EOGT: variants seen among roughly 807,000 people sequenced by gnomAD.
The protein encoded by EOGT is EGF domain-specific O-linked N-acetylglucosamine transferase.
A neutral mutation model predicts 70.5 loss-of-function variants in EOGT; 55 were observed. That is an observed-to-expected ratio of 0.78 (90% CI 0.63 to 0.98). The LOEUF (loss-of-function observed/expected upper bound fraction) is 0.98. EOGT is among the 50% of genes least tolerant of loss of function. The pLI, the probability that EOGT is intolerant of heterozygous loss-of-function variation, is 0.00. For missense variants in EOGT, 703 were observed against 641.9 expected, an observed-to-expected ratio of 1.10 and a Z score of -1.03; for synonymous variants, 246 against 217.1, an observed-to-expected ratio of 1.13 and a Z score of -1.17.
At chr3:68,980,263 T>G (rs1008175140) in intron 15 of EOGT, among the ~76,000 whole-genome samples, 2 of 152,218 alleles carry the variant, frequency 1.3e-5, no homozygotes, top group Non-Finnish European at 2.9e-5. Context: ...CTTAGGACAA[T>G]AGAAGCACTT....
intron 10 of EOGT, among the ~76,000 whole-genome samples, chr3:68,994,763 C>G (rs562876135): frequency 6.6e-6 from 1 of 152,282 alleles, no homozygotes; most frequent in African/African-American, 2.4e-5. Context: ...TGCACTTGAG[C>G]CTGGGTGACA....
In EOGT at chr3:68,998,106, T is replaced by C. The variant is rs368809317; in HGVS notation, c.736A>G (p.Met246Val). ...ATGAAATCACAGAAGTGGTGATACA[T>C]GTTAACACCTAGTGTTGGAAAATGA... Reference protein sequence around the residue: ...YFMKLDAGVNMYHHFCDFINL... With the variant: ...YFMKLDAGVNVYHHFCDFINL... The change falls in exon 10 of 18, where the codon ATG becomes GTG. Residue 246 changes from methionine to valine, a missense_variant. Transcript: ENST00000383701. The C allele has an allele frequency of 2.6e-6, 4 of 1,549,754 alleles. No individual in the cohort carries two copies. Among genetic ancestry groups the C allele is most frequent in the Admixed American group, 3.6e-5 (2 of 56,064 alleles).
chr3:69,005,176 T>A lies in EOGT; in HGVS notation c.479A>T (p.Tyr160Phe), dbSNP rs751161969. 5.6e-6 allele frequency: 9 copies of A among 1,604,132 alleles called. No homozygotes were observed. In the East Asian group the frequency reaches 2.0e-4, roughly 36 times the overall value. The change falls in exon 7 of 18, where the codon TAT (tyrosine) becomes TTT (phenylalanine). Residue 160 changes from tyrosine to phenylalanine, a missense_variant. By Grantham distance (22) the Tyr-to-Phe change is conservative. Transcript: ENST00000383701. ...TCTCTTGATGTTTCTTAAATCAAGA[T>A]AGAGATTGGTTGCTCTGCAGTACTG... ...YLQYCRATNL[Y>F]LDLRNIKRNH...
At chr3:69,005,294 G>A (rs991402971) in intron 6 of EOGT, 60 bp from the exon 7 acceptor site, 99 of 917,028 alleles carry the variant, frequency 1.1e-4, no homozygotes, top group Middle Eastern at 2.2e-4. Flanking sequence ...AGACTCATCC[G>A]GACTTGCTAG....
chr3:68,987,568 GAACATCTGAACCC>G (rs1284395329), intron 13 of EOGT, 55 bp from the exon 14 acceptor site: 1 of 1,249,916 alleles, frequency 8.0e-7, no homozygotes, highest in Non-Finnish European at 1.2e-6. Flanking sequence ...GTAGATGAAT[GAACATCTGAACCC>G]AAAATGTGAT....
chr3:68,981,508 T>C (rs759809586), intron 15 of EOGT, among the ~76,000 whole-genome samples: 3 of 152,188 alleles, frequency 2.0e-5, no homozygotes, highest in Non-Finnish European at 4.4e-5. Flanking sequence ...TAGGTGGACA[T>C]GGAGACAGAA....
At chr3:69,005,496 C>T (rs2091417325) in intron 6 of EOGT, among the ~76,000 whole-genome samples, 1 of 151,992 alleles carries the variant, frequency 6.6e-6, no homozygotes, top group African/African-American at 2.4e-5. Flanking sequence ...AATTTTAAAG[C>T]CAAGAGCTGT....
intron 10 of EOGT, among the ~76,000 whole-genome samples, chr3:68,990,590 G>C (rs1318144174): frequency 1.3e-5 from 2 of 152,094 alleles, no homozygotes; most frequent in Admixed American, 1.3e-4. Context: ...CTGAGCTCAA[G>C]TGCTCCGCCT....
At chr3:69,009,003 A>C (rs1382691227) in intron 4 of EOGT, among the ~76,000 whole-genome samples, 6 of 152,238 alleles carry the variant, frequency 3.9e-5, no homozygotes, top group Non-Finnish European at 8.8e-5. Context: ...GGAACCACCC[A>C]GCTGCTGCTG....
chr3:68,983,599 T>C (rs1474725735), intron 14 of EOGT, among the ~76,000 whole-genome samples: 1 of 152,222 alleles, frequency 6.6e-6, no homozygotes, highest in Non-Finnish European at 1.5e-5. Context: ...CAAGTATCAT[T>C]GATGGGGCAT....
intron 8 of EOGT, among the ~76,000 whole-genome samples, chr3:69,003,032 T>C (rs969060761): frequency 6.6e-5 from 10 of 152,006 alleles, no homozygotes; most frequent in Admixed American, 3.3e-4. Context: ...TATACAGGAG[T>C]AGCAGGAGAG....
At chr3:69,002,739 C>T (rs1437813336) in intron 8 of EOGT, among the ~76,000 whole-genome samples, 2 of 151,932 alleles carry the variant, frequency 1.3e-5, no homozygotes, top group Non-Finnish European at 2.9e-5. Flanking sequence ...ACTGCAGCCT[C>T]GACCTCCTGA....
At chr3:68,997,522 C>T (rs960380985) in intron 10 of EOGT, among the ~76,000 whole-genome samples, 4 of 152,120 alleles carry the variant, frequency 2.6e-5, no homozygotes, top group Admixed American at 2.0e-4. Context: ...GTGTCTGCCA[C>T]CGTATCTGGC....
In EOGT at chr3:68,980,187, A is replaced by C. The variant is rs144809736; in HGVS notation, c.1215-400T>G. Among the ~76,000 whole-genome samples the C allele has an allele frequency of 2.0e-3, 308 of 152,352 alleles. 1 individual carries two copies. The highest frequency in any genetic ancestry group is 7.2e-3 in the African/African-American group (301 of 41,586). ...CCTGAGGCCTGCTCTTTCTTCATGA[A>C]AAAGAGAAATTGGCAAGTGTTAAAG... On this transcript the variant is annotated intron_variant, in intron 15 of 17. Coordinates refer to ENST00000383701, the MANE Select transcript of EOGT (RefSeq NM_001278689.2).
rs770643130 is a variant in EOGT at position 69,008,445 on chromosome 3, G to A, written c.294C>T (p.Ser98=). 2.5e-6 allele frequency: 4 copies of A among 1,613,602 alleles called. No homozygotes were observed. In the African/African-American group the frequency reaches 5.3e-5, roughly 22 times the overall value. The part of the protein sequence containing the change: ...PEFRFGYPVC[S]YVDMGWTDTL... Reference sequence around the variant, plus strand: ...AAACTTACCATCCCATGTCGACATAGCTGCAAACTGGGTAACCAAACCTGA... The same window carrying A: ...AAACTTACCATCCCATGTCGACATAACTGCAAACTGGGTAACCAAACCTGA... The change falls in exon 5 of 18, where the codon AGC becomes AGT. Residue 98 remains serine (S), a synonymous_variant. Coordinates refer to ENST00000383701, the MANE Select transcript of EOGT (RefSeq NM_001278689.2).
In EOGT at chr3:68,977,332, AAAAAAGAAAG is replaced by A. The variant is rs2090499301; in HGVS notation, c.*276_*285del. The stretch of plus-strand genomic sequence containing the variant: ...CAGTGAGACTCTGTCTCCAAAAAAA[AAAAAAGAAAG>A]AAAGAAAGTTAAAGTATACTGGGGA... On this transcript the variant is annotated 3_prime_UTR_variant, in exon 18 of 18. Transcript: ENST00000383701. 3.9e-6 allele frequency: 1 copy of A among 255,566 alleles called. No individual in the cohort carries two copies. Among genetic ancestry groups the A allele is most frequent in the African/African-American group, 2.3e-5 (1 of 43,486 alleles). 15.8% of individuals were successfully genotyped at this position (255,566 alleles called of 1,614,324 possible).
At chr3:68,996,576 T>C (rs2091154146) in intron 10 of EOGT, among the ~76,000 whole-genome samples, 1 of 152,190 alleles carries the variant, frequency 6.6e-6, no homozygotes, top group Non-Finnish European at 1.5e-5. Context: ...AACACAGCTG[T>C]GTCAGGAGAT....
At chr3:68,988,795 A>T in intron 11 of EOGT, 130 bp downstream of exon 11, 1 of 651,502 alleles carries the variant, frequency 1.5e-6, no homozygotes, top group Non-Finnish European at 2.5e-6. Flanking sequence ...GATTCTAATT[A>T]TAAAAGAAAT....
intron 10 of EOGT, among the ~76,000 whole-genome samples, chr3:68,995,873 C>G (rs1262476628): frequency 6.6e-6 from 1 of 152,164 alleles, no homozygotes; most frequent in Non-Finnish European, 1.5e-5. Flanking sequence ...GAACACTCAC[C>G]TGCTGCTCAG....
Sources: allele counts gnomAD v4.1 joint callset (sites outside exome capture counted in the v4.1 genomes callset), GRCh38; gene constraint gnomAD v4.1.1; transcripts MANE v1.5; gene names NCBI Gene and HGNC (gene_info 2026-07-23, HGNC 2026-07-21).